The following SOX6 variants were observed in gnomAD, a reference collection of about 807,000 sequenced individuals.
The protein encoded by SOX6 is transcription factor SOX-6.
Under a neutral mutation model 97.8 loss-of-function variants are expected in SOX6, and 11 were observed. The ratio of observed to expected loss-of-function variants is 0.11; its 90% CI spans 0.07 to 0.19. The LOEUF (loss-of-function observed/expected upper bound fraction) is 0.19, where lower values mean the gene tolerates loss of function less well. SOX6 is among the 10% of genes least tolerant of loss of function. SOX6 has a pLI of 1.00. For synonymous variants in SOX6, 360 were observed against 371.4 expected, an observed-to-expected ratio of 0.97 and a Z score of 0.35; for missense variants, 810 against 1,039.5, an observed-to-expected ratio of 0.78 and a Z score of 3.04.
At chr11:16,631,381 T>C (rs1848704745) in intron 3 of SOX6, among the ~76,000 whole-genome samples, 1 of 152,242 alleles carries the variant, frequency 6.6e-6, no homozygotes. Flanking sequence ...TTGGTTGGAA[T>C]TTCTTTCCTT....
intron 3 of SOX6, among the ~76,000 whole-genome samples, chr11:16,293,954 A>T (rs558572124): frequency 6.6e-6 from 1 of 151,774 alleles, no homozygotes; most frequent in East Asian, 1.9e-4. Flanking sequence ...CACCTTGCTT[A>T]TTTTCTTTTT....
intron 1 of SOX6, among the ~76,000 whole-genome samples, chr11:16,406,730 G>A (rs1351710708): frequency 3.3e-5 from 5 of 151,960 alleles, no homozygotes; most frequent in African/African-American, 1.2e-4. Flanking sequence ...ATAGAAGGAA[G>A]GATAAAGAAG....
intron 1 of SOX6, among the ~76,000 whole-genome samples, chr11:16,463,009 T>C (rs1190858240): frequency 3.9e-5 from 6 of 152,248 alleles, no homozygotes; most frequent in African/African-American, 1.2e-4. Flanking sequence ...GCCTTTTTCA[T>C]GGCATTCAGC....
At chr11:16,547,718 C>T (rs1187965179) in intron 4 of SOX6, among the ~76,000 whole-genome samples, 1 of 151,978 alleles carries the variant, frequency 6.6e-6, no homozygotes, top group African/African-American at 2.4e-5. Context: ...TGTTTGATAG[C>T]AAAGTAGAGT....
At chr11:16,660,006 T>TC (rs1032289016) in intron 3 of SOX6, among the ~76,000 whole-genome samples, 1 of 152,156 alleles carries the variant, frequency 6.6e-6, no homozygotes, top group Non-Finnish European at 1.5e-5. Flanking sequence ...ATGTGTGTCT[T>TC]CTTTTTTCTT....
intron 9 of SOX6, among the ~76,000 whole-genome samples, chr11:16,079,095 C>T (rs1341885886): frequency 6.6e-6 from 1 of 152,160 alleles, no homozygotes; most frequent in Admixed American, 6.5e-5. Flanking sequence ...GCAATACCCA[C>T]ATAAGAATCT....
At chr11:16,407,758 AGC>A (rs1300654855) in intron 1 of SOX6, among the ~76,000 whole-genome samples, 3 of 152,166 alleles carry the variant, frequency 2.0e-5, no homozygotes, top group Non-Finnish European at 4.4e-5. Flanking sequence ...TGCCAAAGCT[AGC>A]ACTAACACCC....
intron 15 of SOX6, among the ~76,000 whole-genome samples, chr11:15,985,408 C>A (rs1564893622): frequency 6.6e-6 from 1 of 152,116 alleles, no homozygotes; most frequent in Admixed American, 6.6e-5. Context: ...TACTCTGAGT[C>A]CAGCTGCTTC....
At chr11:16,245,194 G>A (rs1595373) in intron 3 of SOX6, among the ~76,000 whole-genome samples, 117,953 of 151,622 alleles carry the variant, frequency 0.78, 46,031 homozygotes, top group Non-Finnish European at 0.8. Flanking sequence ...TCTTTGGTAA[G>A]TGGTTTATTT....
chr11:16,436,734 G>A (rs564858702), intron 1 of SOX6, among the ~76,000 whole-genome samples: 3 of 152,236 alleles, frequency 2.0e-5, no homozygotes, highest in African/African-American at 7.2e-5. Context: ...TAGATTCTGA[G>A]CAGTGAATAA....
chr11:16,134,647 A>G (rs759409846), intron 6 of SOX6, among the ~76,000 whole-genome samples: 1 of 152,050 alleles, frequency 6.6e-6, no homozygotes, highest in Non-Finnish European at 1.5e-5. Context: ...TGTTGTAGTG[A>G]TCTGTGATCA....
chr11:16,009,887 AT>A (rs762299202), intron 13 of SOX6, among the ~76,000 whole-genome samples: 1 of 152,002 alleles, frequency 6.6e-6, no homozygotes, highest in Non-Finnish European at 1.5e-5. Flanking sequence ...CATAGAGTCA[AT>A]CTTTTCTACC....
chr11:16,250,227 T>C (rs1183486573), intron 3 of SOX6, among the ~76,000 whole-genome samples: 1 of 152,170 alleles, frequency 6.6e-6, no homozygotes, highest in Non-Finnish European at 1.5e-5. Flanking sequence ...GCTCTCCTTA[T>C]GATAAAGAAT....
At chr11:16,054,685 C>A (rs1008660966) in intron 10 of SOX6, among the ~76,000 whole-genome samples, 3 of 152,152 alleles carry the variant, frequency 2.0e-5, no homozygotes, top group Non-Finnish European at 2.9e-5. Context: ...TCAGCTGTTT[C>A]CCTTGTGAAG....
At chr11:16,138,071 T>C (rs1398618396) in intron 6 of SOX6, among the ~76,000 whole-genome samples, 1 of 152,180 alleles carries the variant, frequency 6.6e-6, no homozygotes, top group African/African-American at 2.4e-5. Context: ...AATATATACA[T>C]ATTTCTTCAC....
In SOX6 at chr11:16,111,789, C is replaced by A; in HGVS notation, c.898+14G>T. The A allele has an allele frequency of 6.2e-7, 1 of 1,612,914 alleles. No homozygotes were observed. The highest frequency in any genetic ancestry group is 8.5e-7 in the Non-Finnish European group (1 of 1,179,812). ...GAGCATTTGGAAAAGAATGTTAAAT[C>A]CCTCTCTACTTACCTGGTTTGTATG... On this transcript the variant is annotated intron_variant, in intron 7 of 15. Coordinates refer to ENST00000683767, the MANE Select transcript of SOX6 (RefSeq NM_001367873.1).
intron 1 of SOX6, among the ~76,000 whole-genome samples, chr11:16,365,182 T>TATA (rs1857322404): frequency 6.6e-6 from 1 of 152,046 alleles, no homozygotes; most frequent in South Asian, 2.1e-4. Flanking sequence ...GGTTTGTGTG[T>TATA]ATAGGAGAAA....
chr11:16,107,892 A>G (rs931461594), intron 7 of SOX6, among the ~76,000 whole-genome samples: 1 of 152,116 alleles, frequency 6.6e-6, no homozygotes, highest in African/African-American at 2.4e-5. Context: ...TCAGTCTAAC[A>G]CTCAGCTTTT....
At chr11:16,231,815 A>G (rs1176754942) in intron 4 of SOX6, among the ~76,000 whole-genome samples, 1 of 151,842 alleles carries the variant, frequency 6.6e-6, no homozygotes, top group Non-Finnish European at 1.5e-5. Flanking sequence ...ATAATATTTT[A>G]GAAGATAACT....
Sources: gnomAD v4.1 joint callset for allele counts (sites outside exome capture counted in the v4.1 genomes callset) on GRCh38, gnomAD v4.1.1 for gene constraint, MANE v1.5 for transcripts, NCBI Gene and HGNC (gene_info 2026-07-23, HGNC 2026-07-21) for gene names.